The following TENM3 variants were observed in gnomAD, a reference collection of about 807,000 sequenced individuals.
TENM3 encodes teneurin-3.
In TENM3, 63 loss-of-function variants were observed where a neutral mutation model predicts 255.1. That is an observed-to-expected ratio of 0.25 (90% CI 0.20 to 0.30). The LOEUF is 0.30. Ranked by LOEUF, TENM3 falls within the 10% of genes least tolerant of loss-of-function variation. The pLI, the probability that TENM3 is intolerant of heterozygous loss-of-function variation, is 1.00. For synonymous variants in TENM3, 1,306 were observed against 1,322.3 expected (o/e 0.99, Z 0.27); for missense variants, 2,929 against 3,461.1 (o/e 0.85, Z 3.86).
intron 3 of TENM3, among the ~76,000 whole-genome samples, chr4:182,403,643 C>G (rs1224309310): frequency 6.6e-6 from 1 of 152,174 alleles, no homozygotes; most frequent in Non-Finnish European, 1.5e-5. Flanking sequence ...CTAAAAGAAG[C>G]ACATTCTTAC....
the TENM3 span, among the ~76,000 whole-genome samples, chr4:181,534,773 G>T: frequency 6.6e-6 from 1 of 152,100 alleles, no homozygotes; most frequent in Non-Finnish European, 1.5e-5. Context: ...TTCTCCACCT[G>T]GCCCTGTTGC....
chr4:182,666,262 A>G (rs1754672010), intron 6 of TENM3, among the ~76,000 whole-genome samples: 1 of 152,214 alleles, frequency 6.6e-6, no homozygotes, highest in African/African-American at 2.4e-5. Flanking sequence ...AAGGATTTAG[A>G]CTATCATAAA....
At chr4:181,628,908 C>A in the TENM3 span, among the ~76,000 whole-genome samples, 1 of 152,116 alleles carries the variant, frequency 6.6e-6, no homozygotes, top group Non-Finnish European at 1.5e-5. Flanking sequence ...GGCATTGAAT[C>A]TATAAATTAC....
chr4:181,553,276 TGTGTG>T, the TENM3 span, among the ~76,000 whole-genome samples: 1 of 130,798 alleles, frequency 7.6e-6, no homozygotes, highest in Non-Finnish European at 1.6e-5. Flanking sequence ...TGTGTGTGTG[TGTGTG>T]TGTGTGTGTG....
the TENM3 span, among the ~76,000 whole-genome samples, chr4:182,066,461 G>A: frequency 6.6e-6 from 1 of 152,050 alleles, no homozygotes; most frequent in Non-Finnish European, 1.5e-5. Context: ...CCACAGCCTC[G>A]ATGTGTGGCT....
At chr4:181,570,126 A>G in the TENM3 span, among the ~76,000 whole-genome samples, 5 of 149,742 alleles carry the variant, frequency 3.3e-5, no homozygotes, top group Non-Finnish European at 7.4e-5. Context: ...GCTCACTGCA[A>G]GCTCCGCCTC....
chr4:182,627,613 A>G (rs939106013), intron 4 of TENM3, among the ~76,000 whole-genome samples: 9 of 486 alleles, frequency 0.019, no homozygotes, highest in Admixed American at 0.15. Flanking sequence ...TATTAGGAAC[A>G]TCGTAATAAG....
the TENM3 span, among the ~76,000 whole-genome samples, chr4:181,476,376 G>T: frequency 6.6e-6 from 1 of 152,024 alleles, no homozygotes; most frequent in Admixed American, 6.5e-5. Context: ...TGATTACTGG[G>T]ACGTGAGGGC....
the TENM3 span, among the ~76,000 whole-genome samples, chr4:182,092,771 A>G: frequency 1.3e-5 from 2 of 152,384 alleles, no homozygotes; most frequent in South Asian, 2.1e-4. Context: ...ATGGGTAGAA[A>G]TGAAATCTTT....
the TENM3 span, among the ~76,000 whole-genome samples, chr4:182,084,690 A>G: frequency 6.6e-6 from 1 of 152,236 alleles, no homozygotes; most frequent in African/African-American, 2.4e-5. Flanking sequence ...ACTATCATTA[A>G]AAAATGAAGA....
chr4:181,887,455 G>A, the TENM3 span, among the ~76,000 whole-genome samples: 1 of 152,272 alleles, frequency 6.6e-6, no homozygotes, highest in South Asian at 2.1e-4. Flanking sequence ...GGCTACAGGA[G>A]TATTCTGGTT....
chr4:182,483,863 T>C (rs1734438349), intron 3 of TENM3, among the ~76,000 whole-genome samples: 1 of 151,982 alleles, frequency 6.6e-6, no homozygotes, highest in Admixed American at 6.6e-5. Flanking sequence ...GGAGAAGTGC[T>C]ACCCATTCTT....
At chr4:182,216,248 C>T (rs1755458271) in intron 1 of TENM3, among the ~76,000 whole-genome samples, 1 of 152,190 alleles carries the variant, frequency 6.6e-6, no homozygotes, top group Non-Finnish European at 1.5e-5. Flanking sequence ...CCTGACGTCA[C>T]ATCTCCTGGT....
the TENM3 span, among the ~76,000 whole-genome samples, chr4:181,507,883 C>T: frequency 6.6e-6 from 1 of 152,098 alleles, no homozygotes; most frequent in Non-Finnish European, 1.5e-5. Flanking sequence ...TTTGGTTACC[C>T]GTGACATCTT....
intron 3 of TENM3, among the ~76,000 whole-genome samples, chr4:182,469,443 G>A (rs1303295281): frequency 1.3e-5 from 2 of 152,124 alleles, no homozygotes; most frequent in Admixed American, 6.6e-5. Context: ...GGCCAAGCAC[G>A]GTGGCTCATG....
intron 3 of TENM3, among the ~76,000 whole-genome samples, chr4:182,386,254 A>T (rs1322789128): frequency 6.6e-6 from 1 of 152,272 alleles, no homozygotes; most frequent in Non-Finnish European, 1.5e-5. Context: ...ACAAGAATAG[A>T]TTCCCACAAA....
chr4:182,702,517 G>A (rs1039339320), intron 12 of TENM3, among the ~76,000 whole-genome samples: 1 of 152,026 alleles, frequency 6.6e-6, no homozygotes, highest in South Asian at 2.1e-4. Context: ...TTAATAAGAT[G>A]AATCAATAAT....
At chr4:181,556,472 T>C in the TENM3 span, among the ~76,000 whole-genome samples, 5 of 152,244 alleles carry the variant, frequency 3.3e-5, no homozygotes, top group Admixed American at 2.6e-4. Context: ...ACACATATTA[T>C]TGCTATTCTA....
At chr4:182,773,835 T>C in intron 23 of TENM3, 188 bp downstream of exon 23, 2 of 455,160 alleles carry the variant, frequency 4.4e-6, no homozygotes, top group African/African-American at 2.0e-5. Context: ...AAACCACATA[T>C]AAGATAATCT....
Sources: gnomAD v4.1 joint callset for allele counts (sites outside exome capture counted in the v4.1 genomes callset) on GRCh38, gnomAD v4.1.1 for gene constraint, MANE v1.5 for transcripts, NCBI Gene and HGNC (gene_info 2026-07-23, HGNC 2026-07-21) for gene names.